GABRE: variants seen among roughly 807,000 people sequenced by gnomAD.
The protein encoded by GABRE is gamma-aminobutyric acid type A receptor subunit epsilon, also known as gamma-aminobutyric acid receptor subunit epsilon.
Under a neutral mutation model 31.0 loss-of-function variants are expected in GABRE, and 20 were observed. The observed-to-expected ratio is 0.64, with a 90% CI of 0.45 to 0.94. GABRE has a LOEUF of 0.94. Ranked by LOEUF, GABRE falls within the 40% of genes least tolerant of loss-of-function variation. The probability of loss-of-function intolerance (pLI) is 0.00; values close to 1 mark genes in which losing one functional copy is unlikely to be tolerated. For synonymous variants in GABRE, 155 were observed against 150.6 expected (o/e 1.03, Z -0.21); for missense variants, 420 against 410.7 (o/e 1.02, Z -0.20).
chrX:151,973,007 G>T, intron 1 of GABRE, among the ~76,000 whole-genome samples: 1 of 106,859 alleles, frequency 9.4e-6, no homozygotes, highest in Middle Eastern at 4.9e-3. Context: ...AAGTGGGGGG[G>T]GGAGGGGCGC....
chrX:151,966,086 A>G (rs1044236631), intron 3 of GABRE, among the ~76,000 whole-genome samples: 3 of 112,353 alleles, frequency 2.7e-5, no homozygotes, highest in African/African-American at 9.7e-5. Context: ...TTTATGCTCT[A>G]TGTTATGAAG....
chrX:151,964,674 C>T (rs1934477516), intron 3 of GABRE, among the ~76,000 whole-genome samples: 1 of 111,550 alleles, frequency 9.0e-6, no homozygotes, highest in Non-Finnish European at 1.9e-5. Context: ...GCACACACAC[C>T]ATTGATTGCA....
intron 4 of GABRE, among the ~76,000 whole-genome samples, chrX:151,961,942 C>G (rs1047463197): frequency 8.9e-6 from 1 of 112,055 alleles, no homozygotes; most frequent in African/African-American, 3.2e-5. Context: ...CTCGCCCAGC[C>G]TAGTTTCCAG....
chrX:151,971,013 C>A lies in GABRE; in HGVS notation c.57-611G>T, dbSNP rs1258208857. On this transcript the variant is annotated intron_variant, in intron 1 of 8. Coordinates refer to ENST00000370328, the MANE Select transcript of GABRE (RefSeq NM_004961.4). ...CCACAGACAGCCATCCAGGAACTGGCTGCCCAACAGGAGTCCACCCTGAGC... is the reference window on the plus strand; with the variant it reads ...CCACAGACAGCCATCCAGGAACTGGATGCCCAACAGGAGTCCACCCTGAGC... 3 of 676,941 alleles carry A rather than the reference C, an allele frequency of 4.4e-6. No individual in the cohort carries two copies. In the African/African-American group the frequency reaches 7.1e-5, roughly 16 times the overall value. The allele number at this position is 676,941 out of a possible 1,213,427, so 55.8% of individuals were successfully genotyped here. A position where few individuals can be genotyped will look rare whatever the true frequency, so the allele number is the denominator to read the frequency against.
chrX:151,961,839 AAAC>A (rs913221950), intron 4 of GABRE, among the ~76,000 whole-genome samples: 1 of 111,547 alleles, frequency 9.0e-6, no homozygotes, highest in Non-Finnish European at 1.9e-5. Flanking sequence ...AAACAAAACA[AAAC>A]AAAACAAACA....
intron 3 of GABRE, among the ~76,000 whole-genome samples, chrX:151,968,824 G>GTAATGAA (rs1455567217): frequency 8.9e-6 from 1 of 112,227 alleles, no homozygotes; most frequent in East Asian, 2.8e-4. Context: ...ACAATGAAAT[G>GTAATGAA]ATGTAGGCAA....
chrX:151,973,411 G>A (rs537223353), intron 1 of GABRE, among the ~76,000 whole-genome samples: 10 of 111,274 alleles, frequency 9.0e-5, no homozygotes, highest in Non-Finnish European at 1.5e-4. Context: ...TTGCTAGCAC[G>A]CATAGAAAGA....
At chrX:151,972,288 G>A in intron 1 of GABRE, 1 of 753,974 alleles carries the variant, frequency 1.3e-6, no homozygotes, top group Non-Finnish European at 1.6e-6. Context: ...ACTGGGCTTG[G>A]AAAATACAGT....
At chrX:151,970,547 A>C in intron 1 of GABRE, 145 bp from the exon 2 acceptor site, 1 of 639,576 alleles carries the variant, frequency 1.6e-6, no homozygotes, top group South Asian at 3.3e-5. Context: ...ATTATAAGAC[A>C]GTGACAGATT....
intron 1 of GABRE, among the ~76,000 whole-genome samples, chrX:151,973,007 G>C (rs1346557098): frequency 9.4e-6 from 1 of 106,808 alleles, no homozygotes; most frequent in Non-Finnish European, 1.9e-5. Flanking sequence ...AAGTGGGGGG[G>C]GGAGGGGCGC....
intron 1 of GABRE, among the ~76,000 whole-genome samples, chrX:151,973,416 G>C (rs1934781774): frequency 9.0e-6 from 1 of 111,334 alleles, no homozygotes; most frequent in Non-Finnish European, 1.9e-5. Flanking sequence ...AGCACGCATA[G>C]AAAGACATTT....
chrX:151,970,984 C>G (rs1934678525), intron 1 of GABRE, among the ~76,000 whole-genome samples: 1 of 112,152 alleles, frequency 8.9e-6, no homozygotes, highest in Admixed American at 9.4e-5. Flanking sequence ...CAGGAGTCCT[C>G]CACCCACAGA....
At position 151,955,779 on chromosome X, in the gene GABRE, G is replaced by T; in HGVS notation, c.866C>A (p.Ser289Tyr). 8.3e-7 allele frequency: 1 copy of T among 1,211,849 alleles called. No individual in the cohort carries two copies. The highest frequency in any genetic ancestry group is 1.1e-6 in the Non-Finnish European group (1 of 895,421). The change falls in exon 7 of 9, where the codon TCC (serine) becomes TAC (tyrosine). Residue 289 changes from serine to tyrosine, a missense_variant. Coordinates refer to ENST00000370328, the MANE Select transcript of GABRE (RefSeq NM_004961.4). ...AACCCAGGAGAGCATCGTGGTCACGGAAGAAGGGACATAGTTTTGAAAGGC... is the reference window on the plus strand; with the variant it reads ...AACCCAGGAGAGCATCGTGGTCACGTAAGAAGGGACATAGTTTTGAAAGGC... The part of the protein sequence containing the change: ...YVAFQNYVPS[S>Y]VTTMLSWVSF...
At chrX:151,970,097 C>G (rs1485603208) in intron 2 of GABRE, 88 bp downstream of exon 2, 1 of 1,167,589 alleles carries the variant, frequency 8.6e-7, no homozygotes, top group African/African-American at 1.8e-5. Context: ...GCATGGCACC[C>G]TCTGTTACTG....
intron 6 of GABRE, chrX:151,957,016 C>T (rs772770954): frequency 1.6e-4 from 19 of 116,603 alleles, no homozygotes; most frequent in Admixed American, 3.5e-4. Flanking sequence ...CTGTAAAATT[C>T]CTAGGCCTAT....
chrX:151,954,708 T>C lies in GABRE; in HGVS notation c.1514A>G (p.Asn505Ser), dbSNP rs1454866794. ...FNVLYWLVCL[N>S]L ...CAGGGTACCAGCTGGTACCTACAAG[T>C]TAAGGCAAACAAGCCAGTAGAGCAC... Residue 505 changes from asparagine (N) to serine (S), a missense_variant, in exon 9 of 9, where the codon AAC (asparagine) becomes AGC (serine). Asn to Ser is a conservative substitution (Grantham distance 46, BLOSUM62 1). Transcript: ENST00000370328. The C allele has an allele frequency of 1.0e-5, 12 of 1,192,428 alleles. No homozygotes were observed. The East Asian group carries it at 3.6e-4, about 36-fold the overall frequency.
chrX:151,954,354 T>C lies in GABRE; in HGVS notation c.*347A>G, dbSNP rs1294774389. ...TGCAGTAATTGTCTGGTGGTCAGCA[T>C]TGTTGGAAGATAGCTAATCCGCCTG... On this transcript the variant is annotated 3_prime_UTR_variant, in exon 9 of 9. Transcript: ENST00000370328. 35 of 162,952 alleles carry C rather than the reference T, an allele frequency of 2.1e-4. 1 individual carries two copies. The highest frequency in any genetic ancestry group is 2.5e-4 in the South Asian group (1 of 4,062). 13.4% of individuals were successfully genotyped at this position (162,952 alleles called of 1,213,427 possible). A position where few individuals can be genotyped will look rare whatever the true frequency, so the allele number is the denominator to read the frequency against.
At chrX:151,972,477 G>T (rs982449312) in intron 1 of GABRE, 6 of 750,759 alleles carry the variant, frequency 8.0e-6, no homozygotes, top group Non-Finnish European at 9.4e-6. Context: ...GGCAGTCAGT[G>T]GTAGACTGAG....
intron 1 of GABRE, among the ~76,000 whole-genome samples, chrX:151,973,764 G>C (rs769216334): frequency 8.9e-5 from 10 of 111,975 alleles, no homozygotes; most frequent in African/African-American, 2.6e-4. Context: ...AGGTGTGAGG[G>C]AAGATGGTTG....
Sources: allele counts gnomAD v4.1 joint callset (sites outside exome capture counted in the v4.1 genomes callset), GRCh38; gene constraint gnomAD v4.1.1; transcripts MANE v1.5; gene names NCBI Gene and HGNC (gene_info 2026-07-23, HGNC 2026-07-21).